SLC9A1: variants seen among roughly 807,000 people sequenced by gnomAD.
SLC9A1 encodes sodium/hydrogen exchanger 1.
Under a neutral mutation model 67.9 loss-of-function variants are expected in SLC9A1, and 22 were observed. The ratio of observed to expected loss-of-function variants is 0.32; its 90% CI spans 0.23 to 0.46. The LOEUF (loss-of-function observed/expected upper bound fraction) is 0.46. Ranked by LOEUF, SLC9A1 falls within the 20% of genes least tolerant of loss-of-function variation. SLC9A1 has a pLI of 1.00. For synonymous variants in SLC9A1, 421 were observed against 471.8 expected (o/e 0.89, Z 1.40); for missense variants, 686 against 1,094.8 (o/e 0.63, Z 5.27).
intron 1 of SLC9A1, among the ~76,000 whole-genome samples, chr1:27,119,482 C>T (rs1313450833): frequency 6.6e-6 from 1 of 152,214 alleles, no homozygotes; most frequent in African/African-American, 2.4e-5. Flanking sequence ...GATTCCATTT[C>T]TTTAACTCCC....
intron 1 of SLC9A1, among the ~76,000 whole-genome samples, chr1:27,135,906 T>A (rs2083417672): frequency 6.6e-6 from 1 of 152,252 alleles, no homozygotes; most frequent in Non-Finnish European, 1.5e-5. Flanking sequence ...TAAGATCAAC[T>A]GATGATGATC....
chr1:27,115,779 C>T (rs570946729), intron 1 of SLC9A1, among the ~76,000 whole-genome samples: 1 of 152,258 alleles, frequency 6.6e-6, no homozygotes, highest in East Asian at 1.9e-4. Flanking sequence ...CTCTCCTCCC[C>T]TTCCCTATCT....
In SLC9A1 at chr1:27,109,646, GATGA is replaced by G. The variant is rs1557740277; in HGVS notation, c.941_944del (p.Val314AlafsTer43). The G allele has an allele frequency of 6.2e-7, 1 of 1,613,880 alleles. No homozygotes were observed. Among genetic ancestry groups the G allele is most frequent in the Admixed American group, 1.7e-5 (1 of 60,026 alleles). On this transcript the variant is annotated frameshift_variant, in exon 3 of 12. Coordinates refer to ENST00000263980, the MANE Select transcript of SLC9A1 (RefSeq NM_003047.5). LOFTEE classifies it high-confidence loss of function. This position sits in a 1 kb window ranked among gnomAD's most constrained non-coding sequence, Gnocchi z 5.5. ...AGGTAAATCGGGAGGTGAAGGCTGC[GATGA>G]CCCCGTAGACCACGCCCACAAGCAC...
Position 27,106,203 on chromosome 1 carries a change from C to A in SLC9A1, c.1283-116G>T. 1 of 686,992 alleles carries A rather than the reference C, an allele frequency of 1.5e-6. No homozygotes were observed. Among genetic ancestry groups the A allele is most frequent in the Non-Finnish European group, 2.5e-6 (1 of 394,824 alleles). 42.6% of individuals were successfully genotyped at this position (686,992 alleles called of 1,614,324 possible). On this transcript the variant is annotated intron_variant, in intron 4 of 11. Coordinates refer to ENST00000263980, the MANE Select transcript of SLC9A1 (RefSeq NM_003047.5). This position sits in a 1 kb window ranked among gnomAD's most constrained non-coding sequence, Gnocchi z 4.3. ...GGAAGTCTCCATTACGAAGCCCACC[C>A]CGCTCACTCAATTCCTGGGTCCCTC... is the stretch of plus-strand genomic sequence containing the variant.
chr1:27,123,218 G>A (rs1037678991), intron 1 of SLC9A1, among the ~76,000 whole-genome samples: 3 of 152,102 alleles, frequency 2.0e-5, no homozygotes, highest in Admixed American at 6.5e-5. Flanking sequence ...AGTCATATAA[G>A]TGTTTAAGTA....
intron 1 of SLC9A1, among the ~76,000 whole-genome samples, chr1:27,143,046 TAA>T (rs55970751): frequency 0.015 from 1,431 of 98,412 alleles, 20 homozygotes; most frequent in Admixed American, 0.048. Flanking sequence ...ATCAACTGTG[TAA>T]AAAAAAAAAA....
In SLC9A1 at chr1:27,154,026, G is replaced by C. The variant is rs768797791; in HGVS notation, c.309C>G (p.Phe103Leu). ...GIDYTHVRTP[F>L]EISLWILLAC... ...CCAGAAGGATCCAGAGGGAGATCTC[G>C]AAGGGGGTGCGCACGTGTGTGTAGT... The change falls in exon 1 of 12, where the codon TTC becomes TTG. Residue 103 changes from phenylalanine to leucine, a missense_variant. Physicochemically the swap from Phe to Leu is conservative, Grantham distance 22 (BLOSUM62 0). Coordinates refer to ENST00000263980, the MANE Select transcript of SLC9A1 (RefSeq NM_003047.5). The C allele has an allele frequency of 6.3e-7, 1 of 1,595,746 alleles. No homozygotes were observed. The highest frequency in any genetic ancestry group is 8.6e-7 in the Non-Finnish European group (1 of 1,167,782).
At chr1:27,103,684 A>C in intron 5 of SLC9A1, 2 of 275,434 alleles carry the variant, frequency 7.3e-6, no homozygotes, top group Non-Finnish European at 7.2e-6. Flanking sequence ...CCTCCCCACC[A>C]GGACTGTGAG....
intron 6 of SLC9A1, 82 bp downstream of exon 6, chr1:27,103,141 G>C: frequency 9.6e-7 from 1 of 1,038,528 alleles, no homozygotes; most frequent in Non-Finnish European, 1.5e-6. Flanking sequence ...GGGCTGATGG[G>C]GGGCAGAGAC....
intron 1 of SLC9A1, among the ~76,000 whole-genome samples, chr1:27,147,415 C>A (rs958985751): frequency 6.6e-6 from 1 of 151,752 alleles, no homozygotes; most frequent in Non-Finnish European, 1.5e-5. Context: ...TCACTTGAAC[C>A]TGGAGGCGGA....
intron 1 of SLC9A1, among the ~76,000 whole-genome samples, chr1:27,146,458 A>C (rs551448444): frequency 1.7e-4 from 26 of 152,334 alleles, no homozygotes; most frequent in African/African-American, 3.6e-4. Flanking sequence ...CCAATTCAAA[A>C]TGATTATGGG....
chr1:27,134,937 A>C (rs2083409689), intron 1 of SLC9A1, among the ~76,000 whole-genome samples: 1 of 150,646 alleles, frequency 6.6e-6, no homozygotes, highest in Non-Finnish European at 1.5e-5. Flanking sequence ...GGGTTTCACC[A>C]TGTTGGCCAG....
chr1:27,105,544 C>T, intron 5 of SLC9A1: 2 of 613,660 alleles, frequency 3.3e-6, no homozygotes, highest in Non-Finnish European at 5.9e-6. Context: ...GTGATCCACC[C>T]CCTCAGCCTC....
Position 27,153,976 on chromosome 1 carries a change from G to A in SLC9A1, c.352+7C>T. The A allele has an allele frequency of 1.3e-6, 2 of 1,539,182 alleles. No homozygotes were observed. The highest frequency in any genetic ancestry group is 2.5e-5 in the South Asian group (2 of 80,140). The stretch of plus-strand genomic sequence containing the variant: ...GCGGCCGCAGCATCGGAGCAAACGG[G>A]ACTTACCTATCTTCATGAGGCAGGC... On this transcript the variant is annotated splice_region_variant and intron_variant, in intron 1 of 11. Coordinates refer to ENST00000263980, the MANE Select transcript of SLC9A1 (RefSeq NM_003047.5).
At chr1:27,129,939 T>C (rs1390854971) in intron 1 of SLC9A1, among the ~76,000 whole-genome samples, 1 of 152,200 alleles carries the variant, frequency 6.6e-6, no homozygotes, top group African/African-American at 2.4e-5. Flanking sequence ...TCCAGAGCCA[T>C]GGCCCCAACC....
At chr1:27,121,602 G>A (rs2083305208) in intron 1 of SLC9A1, among the ~76,000 whole-genome samples, 1 of 152,148 alleles carries the variant, frequency 6.6e-6, no homozygotes, top group Non-Finnish European at 1.5e-5. Flanking sequence ...AAGAGAGGCT[G>A]TTCCGGAGGC....
rs1035487412 is a variant in SLC9A1, at chr1:27,106,686, T to A, written c.1283-599A>T. Among the ~76,000 whole-genome samples the A allele has an allele frequency of 6.6e-6, 1 of 151,988 alleles. No homozygotes were observed. The highest frequency in any genetic ancestry group is 6.5e-5 in the Admixed American group (1 of 15,270). On this transcript the variant is annotated intron_variant, in intron 4 of 11. Transcript: ENST00000263980. This position sits in a 1 kb window ranked among gnomAD's most constrained non-coding sequence, Gnocchi z 4.3. ...ACTGGGGTGAGGCATGTGGGGCACA[T>A]GTGAGTGGAACCCATGCACCTGGGG...
chr1:27,106,144 T>G lies in SLC9A1; in HGVS notation c.1283-57A>C. ...AGGTCGGGCTGTCCCCAGTCCCTCC[T>G]GGATTCTGCATCAGTGATTTCTCTG... On this transcript the variant is annotated intron_variant, in intron 4 of 11. Coordinates refer to ENST00000263980, the MANE Select transcript of SLC9A1 (RefSeq NM_003047.5). The surrounding 1 kb of genome is among the most constrained non-coding windows in gnomAD (Gnocchi z 4.3). 1 of 1,126,626 alleles carries G rather than the reference T, an allele frequency of 8.9e-7. No homozygotes were observed. The highest frequency in any genetic ancestry group is 1.3e-6 in the Non-Finnish European group (1 of 758,086). 69.8% of individuals were successfully genotyped at this position (1,126,626 alleles called of 1,614,324 possible).
intron 1 of SLC9A1, among the ~76,000 whole-genome samples, chr1:27,135,524 G>GAAAAAAA (rs1464533443): frequency 4.7e-4 from 33 of 70,362 alleles, no homozygotes; most frequent in African/African-American, 1.8e-3. Flanking sequence ...CCTTTTTTCT[G>GAAAAAAA]GAAAAAAAAA....
Sources: gnomAD v4.1 joint callset for allele counts (sites outside exome capture counted in the v4.1 genomes callset) on GRCh38, gnomAD v4.1.1 for gene constraint, Gnocchi (gnomAD v3.1) non-coding constraint, MANE v1.5 for transcripts, NCBI Gene and HGNC (gene_info 2026-07-23, HGNC 2026-07-21) for gene names.